POLR2E: variants seen among roughly 807,000 people sequenced by gnomAD.
The protein encoded by POLR2E is RNA polymerase II, I and III subunit E, also known as DNA-directed RNA polymerases I, II, and III subunit RPABC1.
A neutral mutation model predicts 29.8 loss-of-function variants in POLR2E; 35 were observed. The observed-to-expected ratio is 1.17, with a 90% confidence interval of 0.90 to 1.55. POLR2E has a LOEUF of 1.55. POLR2E is among the 40% of genes most tolerant of loss of function. POLR2E has a pLI of 0.00. For synonymous variants in POLR2E, 174 were observed against 112.6 expected, an observed-to-expected ratio of 1.55 and a Z score of -3.45; for missense variants, 287 against 288.6, an observed-to-expected ratio of 0.99 and a Z score of 0.04.
Position 1,091,830 on chromosome 19 carries a change from TGA to T in POLR2E, c.308_309del (p.Leu103HisfsTer44). 6.2e-7 allele frequency: 1 copy of T among 1,612,820 alleles called. No individual in the cohort carries two copies. On this transcript the variant is annotated frameshift_variant, in exon 3 of 8. Coordinates refer to ENST00000615234, the MANE Select transcript of POLR2E (RefSeq NM_002695.5). LOFTEE classifies it high-confidence loss of function. The stretch of plus-strand genomic sequence containing the variant: ...GGTGTCATGCCCTGCTGCACCACGA[TGA>T]GAGCCCGTGTGATGTTCTCCTCCTG... Reference protein sequence around the residue: ...RMQEENITRALIVVQQGMTPS... With the variant: ...RMQEENITRAXIVVQQGMTPS...
rs1269206256 is a variant in POLR2E, at chr19:1,086,784, G to C, written c.*1951C>G. 2 of 152,152 alleles carry C rather than the reference G, an allele frequency of 1.3e-5. No individual in the cohort carries two copies. Among genetic ancestry groups the C allele is most frequent in the African/African-American group, 4.8e-5 (2 of 41,386 alleles). The allele number at this position is 152,152 out of a possible 1,614,324, so 9.4% of individuals were successfully genotyped here. A position where few individuals can be genotyped will look rare whatever the true frequency, so the allele number is the denominator to read the frequency against. On this transcript the variant is annotated 3_prime_UTR_variant, in exon 8 of 8. Transcript: ENST00000615234. Reference sequence around the variant, plus strand: ...GAGGAAGGGAACCCCCCGCCACGGGGCCCCGCGAGGTGGGAGCCCGGGTGG... The same window carrying C: ...GAGGAAGGGAACCCCCCGCCACGGGCCCCCGCGAGGTGGGAGCCCGGGTGG...
At chr19:1,091,687 C>A in intron 3 of POLR2E, 105 bp downstream of exon 3, 1 of 754,916 alleles carries the variant, frequency 1.3e-6, no homozygotes, top group Non-Finnish European at 2.3e-6. Context: ...GGCACCCTGG[C>A]TGGCCTGGCC....
At chr19:1,090,543 G>A (rs561253251) in intron 4 of POLR2E, among the ~76,000 whole-genome samples, 2 of 132,156 alleles carry the variant, frequency 1.5e-5, no homozygotes, top group East Asian at 2.3e-4. Flanking sequence ...TCGGCTCCCC[G>A]AGTAGCTGGG....
chr19:1,092,961 G>C (rs1168514493), intron 2 of POLR2E, among the ~76,000 whole-genome samples: 1 of 151,338 alleles, frequency 6.6e-6, no homozygotes, highest in Non-Finnish European at 1.5e-5. Flanking sequence ...CGAGGCGGGC[G>C]GATCACCTGA....
At position 1,093,728 on chromosome 19, in the gene POLR2E, G is replaced by A. The variant is rs1412395514; in HGVS notation, c.232+176C>T. 31 of 1,391,392 alleles carry A rather than the reference G, an allele frequency of 2.2e-5. No individual in the cohort carries two copies. The East Asian group carries it at 8.9e-4, about 40-fold the overall frequency. The allele number at this position is 1,391,392 out of a possible 1,614,324, so 86.2% of individuals were successfully genotyped here. A position where few individuals can be genotyped will look rare whatever the true frequency, so the allele number is the denominator to read the frequency against. ...AACTAGAAAGAAGCTGAGCATGAGA[G>A]GGGTCAGAGATCAACGGCATCACCC... On this transcript the variant is annotated intron_variant, in intron 2 of 7. Transcript: ENST00000615234.
intron 1 of POLR2E, 100 bp from the exon 2 acceptor site, chr19:1,094,178 G>A (rs536246491): frequency 2.4e-5 from 27 of 1,110,480 alleles, no homozygotes; most frequent in African/African-American, 4.7e-5. Context: ...AGAGGACAGA[G>A]GTGAACAGCA....
At chr19:1,092,877 A>G (rs1378360152) in intron 2 of POLR2E, among the ~76,000 whole-genome samples, 2 of 84,870 alleles carry the variant, frequency 2.4e-5, no homozygotes, top group Non-Finnish European at 4.5e-5. Context: ...AGGGAGACTC[A>G]GTCTCAAAAA....
In POLR2E at chr19:1,095,331, C is replaced by T. The variant is rs1408666409; in HGVS notation, c.-16G>A. 6.2e-7 allele frequency: 1 copy of T among 1,612,428 alleles called. No individual in the cohort carries two copies. Among genetic ancestry groups the T allele is most frequent in the Admixed American group, 1.7e-5 (1 of 59,992 alleles). On this transcript the variant is annotated 5_prime_UTR_variant, in exon 1 of 8. Transcript: ENST00000615234. ...CGTCGTCCATGGCAGCCTCCGCCGC[C>T]GCCGCCGCTCGCACCCCTTCTCCGC...
At chr19:1,089,986 G>T in intron 5 of POLR2E, 24 bp from the exon 6 acceptor site, 1 of 1,568,018 alleles carries the variant, frequency 6.4e-7, no homozygotes, top group Non-Finnish European at 8.7e-7. Flanking sequence ...TCAGGAAAAT[G>T]CCAGACAGGG....
At position 1,089,909 on chromosome 19, in the gene POLR2E, C is replaced by T. The variant is rs1443797421; in HGVS notation, c.542G>A (p.Arg181His). 3.1e-6 allele frequency: 5 copies of T among 1,612,636 alleles called. No individual in the cohort carries two copies. Among genetic ancestry groups the T allele is most frequent in the South Asian group, 1.1e-5 (1 of 91,050 alleles). The change falls in exon 6 of 8, where the codon CGC becomes CAC. Residue 181 changes from arginine to histidine, a missense_variant. By Grantham distance (29) the Arg-to-His change is conservative (BLOSUM62 0). Transcript: ENST00000615234. ...PRIQAGDPVA[R>H]YFGIKRGQVV... ...CTGCCCACGCTTTATCCCAAAGTAG[C>T]GCGCCACAGGGTCCCCCGCCTGGAT... is the stretch of plus-strand genomic sequence containing the variant.
At chr19:1,090,257 A>AC (rs1424750328) in intron 4 of POLR2E, 112 bp from the exon 5 acceptor site, 12 of 899,072 alleles carry the variant, frequency 1.3e-5, no homozygotes, top group Admixed American at 2.0e-5. Context: ...CCTGAACCCC[A>AC]CCCCGATCCC....
chr19:1,089,402 G>A, intron 7 of POLR2E, 70 bp downstream of exon 7: 1 of 1,023,400 alleles, frequency 9.8e-7, no homozygotes, highest in South Asian at 1.3e-5. Context: ...GAACAGCCCT[G>A]CACACCGACG....
rs777211351 is a variant in POLR2E at position 1,090,917 on chromosome 19, C to T, written c.420G>A (p.Thr140=). Residue 140 remains threonine, a synonymous_variant, in exon 4 of 8, where the codon ACG becomes ACA. Coordinates refer to ENST00000615234, the MANE Select transcript of POLR2E (RefSeq NM_002695.5). ...CGCGGCGCGCGCCCACCTCGTGCTC[C>T]GTGATGTTGATGAGCAGCTCCTGCT... ...FLQQELLINI[T]EHELVPEHVV... is the part of the protein sequence containing the mutation. 2.2e-5 allele frequency: 36 copies of T among 1,613,108 alleles called. No homozygotes were observed. The highest frequency in any genetic ancestry group is 2.7e-5 in the African/African-American group (2 of 75,062).
Position 1,090,895 on chromosome 19 carries a change from GGC to G in POLR2E, c.429+11_429+12del, listed in dbSNP as rs752348630. 1 of 1,609,946 alleles carries G rather than the reference GGC, an allele frequency of 6.2e-7. No individual in the cohort carries two copies. The highest frequency in any genetic ancestry group is 1.3e-5 in the African/African-American group (1 of 74,994). ...CGGCCCCACGCAGGCGGGATTCCGC[GGC>G]GCGCGCCCACCTCGTGCTCCGTGAT... On this transcript the variant is annotated intron_variant, in intron 4 of 7. Transcript: ENST00000615234.
At chr19:1,093,313 C>G (rs976530290) in intron 2 of POLR2E, among the ~76,000 whole-genome samples, 6 of 152,266 alleles carry the variant, frequency 3.9e-5, no homozygotes, top group Non-Finnish European at 8.8e-5. Flanking sequence ...CTTGCAATCC[C>G]CCAACCGCTG....
chr19:1,091,966 C>T, intron 2 of POLR2E, 59 bp from the exon 3 acceptor site: 1 of 1,126,558 alleles, frequency 8.9e-7, no homozygotes. Flanking sequence ...CCTCGCCCAC[C>T]CAGAGCCCAG....
At chr19:1,092,702 A>G (rs796459337) in intron 2 of POLR2E, among the ~76,000 whole-genome samples, 11 of 151,698 alleles carry the variant, frequency 7.3e-5, no homozygotes, top group African/African-American at 2.7e-4. Flanking sequence ...AAATTAATTA[A>G]TTAATTAATA....
chr19:1,093,493 C>G (rs1010933795), intron 2 of POLR2E, among the ~76,000 whole-genome samples: 2 of 148,984 alleles, frequency 1.3e-5, no homozygotes, highest in Non-Finnish European at 1.5e-5. Flanking sequence ...GAGGAATGGG[C>G]TGGGGCGGGC....
At position 1,086,704 on chromosome 19, in the gene POLR2E, G is replaced by GA. The variant is rs2043676711; in HGVS notation, c.*2030dup. 6.6e-6 allele frequency: 1 copy of GA among 152,308 alleles called. No homozygotes were observed. The highest frequency in any genetic ancestry group is 1.5e-5 in the Non-Finnish European group (1 of 68,010). 9.4% of individuals were successfully genotyped at this position (152,308 alleles called of 1,614,324 possible). On this transcript the variant is annotated 3_prime_UTR_variant, in exon 8 of 8. Coordinates refer to ENST00000615234, the MANE Select transcript of POLR2E (RefSeq NM_002695.5). ...GCTTAGAAGAAGGGGCCAGGGAGGG[G>GA]ACAGAGAGAGCCCCGTGGCGTGGCC... is the stretch of plus-strand genomic sequence containing the variant.
Sources: gnomAD v4.1 joint callset for allele counts (sites outside exome capture counted in the v4.1 genomes callset) on GRCh38, gnomAD v4.1.1 for gene constraint, MANE v1.5 for transcripts, NCBI Gene and HGNC (gene_info 2026-07-23, HGNC 2026-07-21) for gene names.